The following PSG2 variants were observed in gnomAD, a reference collection of about 807,000 sequenced individuals.
The protein encoded by PSG2 is pregnancy specific beta-1-glycoprotein 2, also known as pregnancy-specific beta-1-glycoprotein 2.
A neutral mutation model predicts 36.2 loss-of-function variants in PSG2; 49 were observed. The ratio of observed to expected loss-of-function variants is 1.35; its 90% confidence interval spans 1.08 to 1.72. PSG2 has a LOEUF of 1.72. Ranked by LOEUF, PSG2 falls within the 40% of genes most tolerant of loss-of-function variation. PSG2 has a pLI of 0.00. For missense variants in PSG2, 605 were observed against 407.2 expected, an observed-to-expected ratio of 1.49 and a Z score of -4.18; for synonymous variants, 261 against 155.6, an observed-to-expected ratio of 1.68 and a Z score of -5.04.
At chr19:43,068,538 A>G (rs1967774116) in intron 4 of PSG2, among the ~76,000 whole-genome samples, 1 of 151,640 alleles carries the variant, frequency 6.6e-6, no homozygotes, top group South Asian at 2.1e-4. Context: ...TGATTATGAA[A>G]GTACTATAAA....
chr19:43,074,394 A>G (rs1366262679), intron 3 of PSG2, among the ~76,000 whole-genome samples: 4 of 151,768 alleles, frequency 2.6e-5, no homozygotes, highest in South Asian at 2.1e-4. Flanking sequence ...GTAGTTTTCA[A>G]GGTATAATCA....
At chr19:43,077,574 C>G (rs1357143389) in intron 2 of PSG2, among the ~76,000 whole-genome samples, 1 of 151,684 alleles carries the variant, frequency 6.6e-6, no homozygotes. Flanking sequence ...AGAACTCCAA[C>G]TTATGAAAAC....
intron 5 of PSG2, chr19:43,065,538 T>C (rs1387345051): frequency 1.3e-5 from 2 of 151,702 alleles, no homozygotes. Flanking sequence ...GAGCATCCAC[T>C]TTTAGAAATG....
At chr19:43,074,047 G>C (rs1336342178) in intron 3 of PSG2, among the ~76,000 whole-genome samples, 2 of 151,526 alleles carry the variant, frequency 1.3e-5, no homozygotes, top group Non-Finnish European at 2.9e-5. Flanking sequence ...TTCCATACTG[G>C]CCATGCTGCA....
chr19:43,071,658 C>G, intron 4 of PSG2, 42 bp downstream of exon 4: 2 of 1,612,416 alleles, frequency 1.2e-6, no homozygotes, highest in Admixed American at 3.3e-5. Flanking sequence ...CAGATAGACT[C>G]CACCTAAAAC....
intron 2 of PSG2, among the ~76,000 whole-genome samples, chr19:43,076,604 T>C (rs1467767683): frequency 6.6e-6 from 1 of 151,564 alleles, no homozygotes; most frequent in Admixed American, 6.6e-5. Context: ...TTAACTACCC[T>C]ATGTACCTCA....
chr19:43,065,233 A>G (rs1490601647), intron 5 of PSG2, among the ~76,000 whole-genome samples: 1 of 151,658 alleles, frequency 6.6e-6, no homozygotes, highest in East Asian at 1.9e-4. Context: ...AATTTAATAT[A>G]TAAAATAAGG....
intron 3 of PSG2, among the ~76,000 whole-genome samples, chr19:43,074,619 G>A (rs1278787790): frequency 1.3e-5 from 2 of 151,728 alleles, no homozygotes; most frequent in East Asian, 3.9e-4. Flanking sequence ...CTCTCCCTTT[G>A]CAGAGGGCAG....
Position 43,075,218 on chromosome 19 carries a change from A to G in PSG2, c.709+136T>C. 2 of 1,575,860 alleles carry G rather than the reference A, an allele frequency of 1.3e-6. 1 individual carries two copies. Among genetic ancestry groups the G allele is most frequent in the Non-Finnish European group, 1.7e-6 (2 of 1,153,388 alleles). ...AGGCCTATTCTGGTTTGCCTGGGGCAGAAAGTCATGGCCAGCTTTGATGCC... is the reference window on the plus strand; with the variant it reads ...AGGCCTATTCTGGTTTGCCTGGGGCGGAAAGTCATGGCCAGCTTTGATGCC... On this transcript the variant is annotated intron_variant, in intron 3 of 5. Coordinates refer to ENST00000406487, the MANE Select transcript of PSG2 (RefSeq NM_031246.4).
chr19:43,067,769 C>A (rs1325982711), intron 4 of PSG2, among the ~76,000 whole-genome samples: 1 of 151,298 alleles, frequency 6.6e-6, no homozygotes, highest in Non-Finnish European at 1.5e-5. Context: ...TGCATTAAAT[C>A]TTTAAAAGAA....
At position 43,071,755 on chromosome 19, in the gene PSG2, A is replaced by G; in HGVS notation, c.909T>C (p.Val303=). 1 of 1,612,864 alleles carries G rather than the reference A, an allele frequency of 6.2e-7. No homozygotes were observed. Among genetic ancestry groups the G allele is most frequent in the Non-Finnish European group, 8.5e-7 (1 of 1,179,378 alleles). ...TTTCCTCGCCAGTGGCTGAGTTACG[A>G]ACAGAGCAAACATAGAGCCCGCTAT... is the stretch of plus-strand genomic sequence containing the variant. ...TKHSGLYVCS[V]RNSATGEESS... is the part of the protein sequence containing the mutation. The change falls in exon 4 of 6, where the codon GTT becomes GTC. Residue 303 remains valine, a synonymous_variant. Coordinates refer to ENST00000406487, the MANE Select transcript of PSG2 (RefSeq NM_031246.4).
chr19:43,067,611 G>C (rs10409011), intron 4 of PSG2, among the ~76,000 whole-genome samples: 25,940 of 151,020 alleles, frequency 0.17, 3,999 homozygotes, highest in African/African-American at 0.39. Context: ...GCTTAGCGTG[G>C]TGTAAAAACT....
intron 2 of PSG2, among the ~76,000 whole-genome samples, chr19:43,076,778 A>G (rs1967902453): frequency 6.6e-6 from 1 of 151,498 alleles, no homozygotes; most frequent in Non-Finnish European, 1.5e-5. Flanking sequence ...CATTCAGATA[A>G]AGTGCTCCTT....
In PSG2 at chr19:43,082,578, C is replaced by T; in HGVS notation, c.-9G>A. The T allele has an allele frequency of 1.2e-6, 2 of 1,611,370 alleles. No homozygotes were observed. The highest frequency in any genetic ancestry group is 2.2e-5 in the South Asian group (2 of 91,012). On this transcript the variant is annotated 5_prime_UTR_variant, in exon 1 of 6. Transcript: ENST00000406487. ...GCTGAGAGGGGCCCCATGGTCTCTG[C>T]TGCCTGTGTGTTCTCCTCTGTGGAG...
At chr19:43,067,287 T>C (rs1967753344) in intron 4 of PSG2, among the ~76,000 whole-genome samples, 1 of 151,520 alleles carries the variant, frequency 6.6e-6, no homozygotes, top group East Asian at 1.9e-4. Flanking sequence ...CACAGATGTC[T>C]TCCCTGATAA....
intron 2 of PSG2, among the ~76,000 whole-genome samples, chr19:43,076,185 A>C (rs1395761573): frequency 6.6e-6 from 1 of 151,696 alleles, no homozygotes; most frequent in Non-Finnish European, 1.5e-5. Flanking sequence ...CCTGGAGGTC[A>C]GTTCAGTCAT....
intron 1 of PSG2, chr19:43,081,991 TAA>T: frequency 6.5e-6 from 1 of 153,642 alleles, no homozygotes; most frequent in South Asian, 2.0e-4. Context: ...ACAGAACACT[TAA>T]GATTTTCCTA....
At chr19:43,067,989 A>G (rs1967764411) in intron 4 of PSG2, among the ~76,000 whole-genome samples, 1 of 151,564 alleles carries the variant, frequency 6.6e-6, no homozygotes, top group Admixed American at 6.6e-5. Flanking sequence ...AATAAGGATT[A>G]GAGTGGACAT....
intron 5 of PSG2, among the ~76,000 whole-genome samples, chr19:43,066,224 T>G: frequency 6.6e-6 from 1 of 151,680 alleles, no homozygotes; most frequent in South Asian, 2.1e-4. Flanking sequence ...ATTACACTAT[T>G]GAGAGATGTT....
Sources: gnomAD v4.1 joint callset for allele counts (sites outside exome capture counted in the v4.1 genomes callset) on GRCh38, gnomAD v4.1.1 for gene constraint, MANE v1.5 for transcripts, NCBI Gene and HGNC (gene_info 2026-07-23, HGNC 2026-07-21) for gene names.